Variants in LIG3 observed in about 807,000 individuals in gnomAD.
LIG3 encodes DNA ligase 3, also known as ligase II, DNA, ATP-dependent.
LIG3 carries 58 observed loss-of-function variants against 110.9 expected under a neutral mutation model. That is an observed-to-expected ratio of 0.52 (90% CI 0.42 to 0.65). The LOEUF (loss-of-function observed/expected upper bound fraction) is 0.65. Among genes scored for constraint, LIG3 ranks in the 30% least tolerant of loss-of-function variants. The probability of loss-of-function intolerance (pLI) is 0.00; values close to 1 mark genes in which losing one functional copy is unlikely to be tolerated. For synonymous variants in LIG3, 422 were observed against 472.8 expected (o/e 0.89, Z 1.39); for missense variants, 1,094 against 1,273.8 (o/e 0.86, Z 2.15).
In LIG3 at chr17:34,992,676, C is replaced by T; in HGVS notation, c.1439C>T (p.Pro480Leu). 6.3e-7 allele frequency: 1 copy of T among 1,599,104 alleles called. No individual in the cohort carries two copies. Among genetic ancestry groups the T allele is most frequent in the Non-Finnish European group, 8.5e-7 (1 of 1,173,624 alleles). The change falls in exon 8 of 20, where the codon CCT becomes CTT. Residue 480 changes from proline to leucine, a missense_variant. Transcript: ENST00000378526. ...AGCGTCCAGGCCTCGCTGATGACAC[C>T]TGTGCAGCCCATGTTGGTGAGGAGT... ...ALSVQASLMT[P>L]VQPMLAEACK...
rs188927986 is a variant in LIG3 at position 34,997,214 on chromosome 17, C to G, written c.1824-524C>G. 80 of 167,022 alleles carry G rather than the reference C, an allele frequency of 4.8e-4. 1 individual carries two copies. In the East Asian group the frequency reaches 0.012, roughly 25 times the overall value. The allele number at this position is 167,022 out of a possible 1,614,324, so 10.3% of individuals were successfully genotyped here. A position where few individuals can be genotyped will look rare whatever the true frequency, so the allele number is the denominator to read the frequency against. ...TTGTGCCTGAGAAACCAGTATCAGC[C>G]CTTTCCTCACTTAGAAATGTATCTC... On this transcript the variant is annotated intron_variant, in intron 11 of 19. Coordinates refer to ENST00000378526, the MANE Select transcript of LIG3 (RefSeq NM_013975.4).
chr17:34,991,863 A>C, intron 6 of LIG3, 26 bp downstream of exon 6: 1 of 1,613,996 alleles, frequency 6.2e-7, no homozygotes, highest in South Asian at 1.1e-5. Context: ...CCGTCAAACC[A>C]TGCCCATAGA....
chr17:34,999,878 G>A lies in LIG3; in HGVS notation c.2331+22G>A, dbSNP rs750830687. ...AAAGGTATCAACCCAGTGGCTTGGG[G>A]GCCTCCAGCTCATAGAATTAGCTTG... On this transcript the variant is annotated intron_variant, in intron 16 of 19. Coordinates refer to ENST00000378526, the MANE Select transcript of LIG3 (RefSeq NM_013975.4). The A allele has an allele frequency of 5.7e-6, 9 of 1,588,502 alleles. No individual in the cohort carries two copies. In the South Asian group the frequency reaches 7.7e-5, roughly 14 times the overall value.
In LIG3 at chr17:35,008,451, T is replaced by TA. The variant is rs1381985567; in HGVS notation, c.*3947dup. On this transcript the variant is annotated 3_prime_UTR_variant, in exon 20 of 20. Coordinates refer to ENST00000378526, the MANE Select transcript of LIG3 (RefSeq NM_013975.4). ...TCAGTTGTCAATTTTTTTTTTTTTT[T>TA]AATACAGGGTCTCACTCTGTCACCC... 6.6e-6 allele frequency: 1 copy of TA among 151,756 alleles called. No individual in the cohort carries two copies. Among genetic ancestry groups the TA allele is most frequent in the Non-Finnish European group, 1.5e-5 (1 of 67,942 alleles). The allele number at this position is 151,756 out of a possible 1,614,324, so 9.4% of individuals were successfully genotyped here. A position where few individuals can be genotyped will look rare whatever the true frequency, so the allele number is the denominator to read the frequency against.
rs749108376 is a variant in LIG3, at chr17:35,001,306, C to T, written c.2381C>T (p.Ala794Val). Residue 794 changes from alanine (A) to valine (V), a missense_variant, in exon 17 of 20, where the codon GCT becomes GTT. Transcript: ENST00000378526. ...ITGAEFSKSE[A>V]HTADGISIRF... is the part of the protein sequence containing the mutation. ...GGGGCTGAATTCTCCAAATCGGAGG[C>T]TCATACAGCTGACGGGATCTCCATC... The T allele has an allele frequency of 4.3e-6, 7 of 1,614,160 alleles. No homozygotes were observed. Among genetic ancestry groups the T allele is most frequent in the Non-Finnish European group, 5.9e-6 (7 of 1,179,994 alleles).
chr17:34,999,399 G>A lies in LIG3; in HGVS notation c.2206G>A (p.Ala736Thr). ...CAAGTGTGCAGGAGGCCATGATGAT[G>A]CCACGCTTGCCCGCCTGCAGAATGA... is the stretch of plus-strand genomic sequence containing the variant. ...VTKCAGGHDD[A>T]TLARLQNELD... The change falls in exon 15 of 20, where the codon GCC becomes ACC. Residue 736 changes from alanine to threonine, a missense_variant. Coordinates refer to ENST00000378526, the MANE Select transcript of LIG3 (RefSeq NM_013975.4). 5 of 1,614,134 alleles carry A rather than the reference G, an allele frequency of 3.1e-6. No individual in the cohort carries two copies. Among genetic ancestry groups the A allele is most frequent in the South Asian group, 2.2e-5 (2 of 91,054 alleles).
chr17:34,988,092 C>G (rs531853968), intron 3 of LIG3, among the ~76,000 whole-genome samples: 26 of 147,744 alleles, frequency 1.8e-4, no homozygotes, highest in African/African-American at 6.5e-4. Flanking sequence ...ACTCAGGAGG[C>G]TGAGGCAGGA....
intron 3 of LIG3, among the ~76,000 whole-genome samples, chr17:34,987,279 G>A (rs1294428647): frequency 6.6e-6 from 1 of 152,176 alleles, no homozygotes; most frequent in Admixed American, 6.5e-5. Context: ...TGGACTAGGG[G>A]CTTTTATATA....
chr17:34,992,866 G>T (rs2090740335), intron 8 of LIG3, among the ~76,000 whole-genome samples, 174 bp downstream of exon 8: 1 of 152,188 alleles, frequency 6.6e-6, no homozygotes, highest in Non-Finnish European at 1.5e-5. Context: ...AGGCAAAGGA[G>T]AAGACAGAGG....
intron 1 of LIG3, among the ~76,000 whole-genome samples, chr17:34,982,380 C>T (rs866969083): frequency 9.9e-5 from 15 of 152,126 alleles, no homozygotes; most frequent in African/African-American, 3.4e-4. Flanking sequence ...CACGGTGGCT[C>T]ATGTCTGTAA....
chr17:34,982,956 T>G, intron 1 of LIG3, 46 bp from the exon 2 acceptor site: 4 of 1,424,386 alleles, frequency 2.8e-6, no homozygotes, highest in Non-Finnish European at 3.7e-6. Context: ...TATCTCCTTG[T>G]TTATATCTTT....
At chr17:34,997,971 G>T in intron 12 of LIG3, 146 bp downstream of exon 12, 2 of 695,048 alleles carry the variant, frequency 2.9e-6, no homozygotes, top group Non-Finnish European at 5.0e-6. Flanking sequence ...TGCATATGTT[G>T]CCTGCTAGTC....
chr17:34,990,239 A>T (rs141700921), intron 4 of LIG3, among the ~76,000 whole-genome samples: 3 of 152,326 alleles, frequency 2.0e-5, no homozygotes, highest in Non-Finnish European at 1.5e-5. Context: ...ATGGGCAGCG[A>T]TATATAGATA....
At chr17:34,992,239 A>G (rs1041914878) in intron 7 of LIG3, among the ~76,000 whole-genome samples, 5 of 152,374 alleles carry the variant, frequency 3.3e-5, no homozygotes, top group Admixed American at 3.3e-4. Flanking sequence ...CCTTTCTCAC[A>G]GAGTTCTTAC....
At chr17:34,981,245 C>T (rs887289821) in intron 1 of LIG3, 5 of 152,304 alleles carry the variant, frequency 3.3e-5, no homozygotes, top group African/African-American at 9.6e-5. Flanking sequence ...CTCAAGTCCA[C>T]TCCTTTCATT....
chr17:34,999,616 A>C (rs1426021281), intron 15 of LIG3, among the ~76,000 whole-genome samples, 166 bp from the exon 16 acceptor site: 2 of 152,216 alleles, frequency 1.3e-5, no homozygotes, highest in African/African-American at 4.8e-5. Context: ...CTTCTTGTGG[A>C]AAATGGCTTG....
chr17:34,991,156 G>T, intron 5 of LIG3, 42 bp downstream of exon 5: 7 of 1,596,410 alleles, frequency 4.4e-6, no homozygotes, highest in African/African-American at 1.3e-5. Context: ...TTCCAGGTGG[G>T]GTTTTGCCAA....
In LIG3 at chr17:35,004,517, T is replaced by G; in HGVS notation, c.*11T>G. 2 of 1,604,454 alleles carry G rather than the reference T, an allele frequency of 1.2e-6. No homozygotes were observed. Among genetic ancestry groups the G allele is most frequent in the Non-Finnish European group, 1.7e-6 (2 of 1,171,336 alleles). ...GTAGCTCCCTGCTAGGTTTGCTGTC[T>G]TCCCTCTCCCTCAGGCCATACTCTC... On this transcript the variant is annotated 3_prime_UTR_variant, in exon 20 of 20. Coordinates refer to ENST00000378526, the MANE Select transcript of LIG3 (RefSeq NM_013975.4).
chr17:35,002,940 G>T, intron 19 of LIG3, 151 bp downstream of exon 19: 1 of 1,612,650 alleles, frequency 6.2e-7, no homozygotes, highest in South Asian at 1.1e-5. Flanking sequence ...CTCCTCTGTC[G>T]TGGGCAGGGT....
Sources: gnomAD v4.1 joint callset for allele counts (sites outside exome capture counted in the v4.1 genomes callset) on GRCh38, gnomAD v4.1.1 for gene constraint, MANE v1.5 for transcripts, NCBI Gene and HGNC (gene_info 2026-07-23, HGNC 2026-07-21) for gene names.